NDST4: variants seen among roughly 807,000 people sequenced by gnomAD.
The protein encoded by NDST4 is N-heparan sulfate sulfotransferase 4.
A neutral mutation model predicts 100.8 loss-of-function variants in NDST4; 63 were observed. The ratio of observed to expected loss-of-function variants is 0.62; its 90% CI spans 0.51 to 0.77. NDST4 has a LOEUF of 0.77. Among genes scored for constraint, NDST4 ranks in the 30% least tolerant of loss-of-function variants. The pLI is 0.00. For missense variants in NDST4, 943 were observed against 1,018.4 expected (o/e 0.93, Z 1.01); for synonymous variants, 377 against 361.8 (o/e 1.04, Z -0.48).
intron 2 of NDST4, among the ~76,000 whole-genome samples, chr4:115,035,829 T>A (rs1728220771): frequency 6.6e-6 from 1 of 152,018 alleles, no homozygotes. Context: ...TCTTCCTTTC[T>A]TGGCTGCATA....
intron 7 of NDST4, among the ~76,000 whole-genome samples, chr4:114,858,705 AC>A (rs1161219978): frequency 1.3e-5 from 2 of 151,992 alleles, no homozygotes; most frequent in African/African-American, 4.8e-5. Flanking sequence ...GTGGGAATGG[AC>A]CCCCTTACCA....
chr4:115,056,078 G>A (rs561647711), intron 2 of NDST4, among the ~76,000 whole-genome samples: 8 of 152,178 alleles, frequency 5.3e-5, no homozygotes, highest in South Asian at 2.1e-4. Context: ...TAGGCCAGGC[G>A]CAGTGGCTCA....
chr4:114,831,114 G>T (rs1280241169), intron 12 of NDST4, among the ~76,000 whole-genome samples: 3 of 149,732 alleles, frequency 2.0e-5, no homozygotes, highest in African/African-American at 5.0e-5. Context: ...CTGCAGTGGC[G>T]CAATCTCGGC....
intron 4 of NDST4, among the ~76,000 whole-genome samples, chr4:114,960,135 T>C (rs73850748): frequency 0.018 from 2,704 of 151,992 alleles, 71 homozygotes; most frequent in African/African-American, 0.06. Context: ...AAAAAGAAAA[T>C]AGTAAATCAG....
chr4:114,870,446 T>G (rs1449044193), intron 7 of NDST4, among the ~76,000 whole-genome samples: 1 of 152,132 alleles, frequency 6.6e-6, no homozygotes, highest in Non-Finnish European at 1.5e-5. Context: ...ACCATTTTAC[T>G]GCTAGTTAGT....
At chr4:114,868,106 G>A (rs1044144966) in intron 7 of NDST4, among the ~76,000 whole-genome samples, 2 of 152,108 alleles carry the variant, frequency 1.3e-5, no homozygotes, top group African/African-American at 4.8e-5. Context: ...ACAAGAATGT[G>A]TGAATTGAAA....
At chr4:114,994,692 G>A (rs997327496) in intron 2 of NDST4, among the ~76,000 whole-genome samples, 1 of 151,970 alleles carries the variant, frequency 6.6e-6, no homozygotes, top group African/African-American at 2.4e-5. Context: ...GGGTTTTGGA[G>A]CCTTTGGGGT....
intron 2 of NDST4, among the ~76,000 whole-genome samples, chr4:115,026,179 A>G (rs972619773): frequency 9.2e-5 from 14 of 152,226 alleles, no homozygotes; most frequent in African/African-American, 3.4e-4. Flanking sequence ...AGTATAAGAA[A>G]CATGTTGTAT....
chr4:115,093,441 C>T (rs1009208194), intron 1 of NDST4, among the ~76,000 whole-genome samples: 2 of 151,808 alleles, frequency 1.3e-5, no homozygotes, highest in Non-Finnish European at 2.9e-5. Flanking sequence ...CGCCACTGCA[C>T]TCCAGCCTGG....
At chr4:114,875,690 G>A (rs1354313305) in intron 6 of NDST4, among the ~76,000 whole-genome samples, 1 of 152,074 alleles carries the variant, frequency 6.6e-6, no homozygotes, top group Non-Finnish European at 1.5e-5. Context: ...AACATTTTGT[G>A]TTTGACTTAT....
At chr4:115,049,160 GCAA>G (rs1254948753) in intron 2 of NDST4, among the ~76,000 whole-genome samples, 2 of 152,080 alleles carry the variant, frequency 1.3e-5, no homozygotes, top group African/African-American at 4.8e-5. Context: ...GTATATTCTA[GCAA>G]CAACATTTTG....
At chr4:115,105,324 A>T (rs490103) in intron 1 of NDST4, among the ~76,000 whole-genome samples, 1 of 151,940 alleles carries the variant, frequency 6.6e-6, no homozygotes, top group Admixed American at 6.6e-5. Flanking sequence ...TCAAAAGAAT[A>T]GTAAAATAAT....
At chr4:115,008,692 G>T (rs1478835147) in intron 2 of NDST4, among the ~76,000 whole-genome samples, 1 of 127,276 alleles carries the variant, frequency 7.9e-6, no homozygotes, top group Non-Finnish European at 1.7e-5. Context: ...AGGACAATTA[G>T]GCAGGAGAAG....
At chr4:115,099,418 G>C (rs540723822) in intron 1 of NDST4, among the ~76,000 whole-genome samples, 2 of 152,114 alleles carry the variant, frequency 1.3e-5, no homozygotes, top group African/African-American at 4.8e-5. Context: ...AGCCGTATCT[G>C]ATAAAGAACT....
intron 2 of NDST4, among the ~76,000 whole-genome samples, chr4:115,068,467 T>C (rs1416800422): frequency 6.6e-6 from 1 of 152,100 alleles, no homozygotes; most frequent in African/African-American, 2.4e-5. Flanking sequence ...ATCACTTGCT[T>C]CAAGATGAAG....
At chr4:115,015,801 C>A (rs1727664733) in intron 2 of NDST4, among the ~76,000 whole-genome samples, 1 of 152,012 alleles carries the variant, frequency 6.6e-6, no homozygotes, top group Non-Finnish European at 1.5e-5. Context: ...GCAATATGGA[C>A]TCCTACTTAC....
intron 4 of NDST4, among the ~76,000 whole-genome samples, chr4:114,953,260 G>A (rs1726062814): frequency 6.6e-6 from 1 of 151,898 alleles, no homozygotes. Context: ...TTCTCCATTT[G>A]ATTTCGAAAC....
At chr4:114,887,302 A>AT (rs1300082766) in intron 6 of NDST4, among the ~76,000 whole-genome samples, 5 of 152,286 alleles carry the variant, frequency 3.3e-5, no homozygotes, top group Middle Eastern at 3.4e-3. Flanking sequence ...AGAAAACATG[A>AT]TTTTTTTGTG....
chr4:115,037,082 A>G (rs1728248668), intron 2 of NDST4, among the ~76,000 whole-genome samples: 1 of 152,052 alleles, frequency 6.6e-6, no homozygotes, highest in Non-Finnish European at 1.5e-5. Context: ...ATTTCATGAA[A>G]AGAGGAACAG....
Sources: gnomAD v4.1 joint callset for allele counts (sites outside exome capture counted in the v4.1 genomes callset) on GRCh38, gnomAD v4.1.1 for gene constraint, MANE v1.5 for transcripts, NCBI Gene and HGNC (gene_info 2026-07-23, HGNC 2026-07-21) for gene names.